Variants in AFG2A observed in about 807,000 individuals in gnomAD.
The protein encoded by AFG2A is AAA ATPase AFG2A.
At chr4:122,979,406 C>T in the AFG2A span, 1 of 1,607,148 alleles carries the variant, frequency 6.2e-7, no homozygotes, top group East Asian at 2.2e-5. Context: ...TTATGTCCCA[C>T]ACTAGCTACA....
At chr4:122,978,815 T>A in the AFG2A span, among the ~76,000 whole-genome samples, 1 of 152,186 alleles carries the variant, frequency 6.6e-6, no homozygotes, top group Non-Finnish European at 1.5e-5. Context: ...CCTAGGTGGG[T>A]CATGACAGTG....
chr4:123,257,580 G>A, the AFG2A span, among the ~76,000 whole-genome samples: 3 of 152,092 alleles, frequency 2.0e-5, no homozygotes, highest in East Asian at 1.9e-4. Context: ...GTTGAAGTGC[G>A]CTCACCTTTA....
the AFG2A span, among the ~76,000 whole-genome samples, chr4:123,042,457 T>C: frequency 1.2e-3 from 176 of 152,258 alleles, no homozygotes; most frequent in African/African-American, 4.1e-3. Context: ...TAATATCACA[T>C]TGTGGATTAG....
At chr4:123,301,458 C>G in the AFG2A span, among the ~76,000 whole-genome samples, 1 of 152,038 alleles carries the variant, frequency 6.6e-6, no homozygotes, top group Non-Finnish European at 1.5e-5. Context: ...TGAGTGTATA[C>G]TGGGTATTTT....
At chr4:123,240,914 G>T in the AFG2A span, among the ~76,000 whole-genome samples, 4,857 of 151,848 alleles carry the variant, frequency 0.032, 275 homozygotes, top group African/African-American at 0.11. Flanking sequence ...AAAGGGAGAA[G>T]AATGAAATAG....
the AFG2A span, among the ~76,000 whole-genome samples, chr4:123,041,789 A>G: frequency 6.6e-6 from 1 of 152,016 alleles, no homozygotes; most frequent in Non-Finnish European, 1.5e-5. Flanking sequence ...CAGCCTCCCA[A>G]AGTGCTGGGA....
At chr4:122,965,690 A>G in the AFG2A span, among the ~76,000 whole-genome samples, 400 of 152,288 alleles carry the variant, frequency 2.6e-3, 1 homozygote, top group African/African-American at 8.8e-3. Flanking sequence ...ATTAACTCCA[A>G]AGTTAGTGAG....
At chr4:123,277,709 C>T in the AFG2A span, among the ~76,000 whole-genome samples, 1 of 152,132 alleles carries the variant, frequency 6.6e-6, no homozygotes, top group Non-Finnish European at 1.5e-5. Context: ...TTATCAAAAA[C>T]GTTTTCTGAA....
At chr4:122,939,679 G>A in the AFG2A span, among the ~76,000 whole-genome samples, 2 of 151,416 alleles carry the variant, frequency 1.3e-5, no homozygotes, top group African/African-American at 4.9e-5. Context: ...TGTGCACAAT[G>A]TGCAGGTTAG....
the AFG2A span, among the ~76,000 whole-genome samples, chr4:123,232,815 A>C: frequency 6.6e-6 from 1 of 152,040 alleles, no homozygotes; most frequent in Non-Finnish European, 1.5e-5. Context: ...CTTAGATAAG[A>C]AGAATTGCTG....
chr4:123,178,785 AT>A, the AFG2A span, among the ~76,000 whole-genome samples: 1 of 152,210 alleles, frequency 6.6e-6, no homozygotes, highest in South Asian at 2.1e-4. Flanking sequence ...TTTTAAATCC[AT>A]AATATGCTGA....
the AFG2A span, among the ~76,000 whole-genome samples, chr4:123,288,800 C>T: frequency 1.3e-5 from 2 of 152,174 alleles, no homozygotes; most frequent in African/African-American, 4.8e-5. Context: ...GATTCTAACA[C>T]CTAGCCCTTC....
chr4:122,950,258 G>C, the AFG2A span, among the ~76,000 whole-genome samples: 10 of 152,110 alleles, frequency 6.6e-5, no homozygotes, highest in South Asian at 2.1e-4. Flanking sequence ...TGTACGGCAG[G>C]TGAAAATGCC....
chr4:123,085,889 T>C, the AFG2A span, among the ~76,000 whole-genome samples: 3 of 152,048 alleles, frequency 2.0e-5, no homozygotes, highest in Admixed American at 2.0e-4. Context: ...TTTTCAGTTG[T>C]TACCCTAAGT....
the AFG2A span, among the ~76,000 whole-genome samples, chr4:123,140,043 A>G: frequency 1.3e-5 from 2 of 152,056 alleles, no homozygotes; most frequent in African/African-American, 4.8e-5. Flanking sequence ...TTTCTTTGGT[A>G]TACCATAGTT....
At chr4:123,105,396 G>A in the AFG2A span, among the ~76,000 whole-genome samples, 1 of 152,160 alleles carries the variant, frequency 6.6e-6, no homozygotes, top group African/African-American at 2.4e-5. Context: ...AAATGCACAA[G>A]GAGAATTAAT....
At chr4:123,209,486 A>T in the AFG2A span, among the ~76,000 whole-genome samples, 1 of 152,054 alleles carries the variant, frequency 6.6e-6, no homozygotes, top group Non-Finnish European at 1.5e-5. Context: ...GTTGTGTGTG[A>T]AAGTCTGTAT....
At chr4:122,963,006 T>C in the AFG2A span, among the ~76,000 whole-genome samples, 6 of 152,178 alleles carry the variant, frequency 3.9e-5, no homozygotes. Context: ...AGGTTAGAGA[T>C]ATGGACTTGG....
chr4:123,028,402 T>C, the AFG2A span: 1 of 1,613,258 alleles, frequency 6.2e-7, no homozygotes, highest in African/African-American at 1.3e-5. Flanking sequence ...AAAGGTAGGG[T>C]GTTAAATTTT....
Sources: gnomAD v4.1 joint callset for allele counts (sites outside exome capture counted in the v4.1 genomes callset) on GRCh38, gnomAD v4.1.1 for gene constraint, MANE v1.5 for transcripts, NCBI Gene and HGNC (gene_info 2026-07-23, HGNC 2026-07-21) for gene names.